TMEM117: variants seen among roughly 807,000 people sequenced by gnomAD.
The protein encoded by TMEM117 is transmembrane protein 117.
A neutral mutation model predicts 52.4 loss-of-function variants in TMEM117; 27 were observed. That is an observed-to-expected ratio of 0.51 (90% CI 0.38 to 0.71). The LOEUF (loss-of-function observed/expected upper bound fraction) is 0.71, where lower values mean the gene tolerates loss of function less well. Among genes scored for constraint, TMEM117 ranks in the 30% least tolerant of loss-of-function variants. The pLI, the probability that TMEM117 is intolerant of heterozygous loss-of-function variation, is 0.00. For missense variants in TMEM117, 556 were observed against 630.5 expected, an observed-to-expected ratio of 0.88 and a Z score of 1.26; for synonymous variants, 215 against 206.3, an observed-to-expected ratio of 1.04 and a Z score of -0.36.
At chr12:44,202,650 G>A (rs1455993307) in intron 4 of TMEM117, among the ~76,000 whole-genome samples, 5 of 152,130 alleles carry the variant, frequency 3.3e-5, no homozygotes, top group African/African-American at 9.6e-5. Context: ...CAATGATGCC[G>A]GCCTCATAGA....
intron 6 of TMEM117, among the ~76,000 whole-genome samples, chr12:44,374,770 A>G (rs1330534224): frequency 6.6e-6 from 1 of 152,126 alleles, no homozygotes; most frequent in African/African-American, 2.4e-5. Context: ...AGGAAAAGCT[A>G]AATGGGAGCA....
intron 3 of TMEM117, among the ~76,000 whole-genome samples, chr12:43,979,991 G>A (rs933100543): frequency 7.9e-5 from 12 of 152,116 alleles, no homozygotes; most frequent in South Asian, 6.2e-4. Context: ...CTTGATAAGC[G>A]TCAAAAGAAA....
intron 3 of TMEM117, among the ~76,000 whole-genome samples, chr12:44,104,398 T>A (rs1196002230): frequency 1.3e-5 from 2 of 151,910 alleles, no homozygotes; most frequent in Non-Finnish European, 2.9e-5. Context: ...AATGTTTCAG[T>A]CAACTGGTAA....
intron 6 of TMEM117, among the ~76,000 whole-genome samples, chr12:44,343,830 G>T (rs1185987930): frequency 1.3e-5 from 2 of 152,262 alleles, no homozygotes; most frequent in African/African-American, 4.8e-5. Context: ...TACATCCTCA[G>T]TGTCAGAGTC....
At chr12:43,962,342 C>T (rs1400774581) in intron 3 of TMEM117, among the ~76,000 whole-genome samples, 2 of 152,116 alleles carry the variant, frequency 1.3e-5, no homozygotes, top group Non-Finnish European at 1.5e-5. Flanking sequence ...ATATGCATAA[C>T]ATAATTAAGT....
chr12:43,839,703 C>T (rs1943088017), intron 1 of TMEM117, among the ~76,000 whole-genome samples: 1 of 152,224 alleles, frequency 6.6e-6, no homozygotes, highest in Non-Finnish European at 1.5e-5. Flanking sequence ...AAGAAACTAT[C>T]AGATGCATGG....
At chr12:44,206,149 C>T (rs983408951) in intron 4 of TMEM117, among the ~76,000 whole-genome samples, 1 of 152,162 alleles carries the variant, frequency 6.6e-6, no homozygotes, top group African/African-American at 2.4e-5. Flanking sequence ...TTCTAGGGTA[C>T]ATGTGCACAA....
chr12:44,239,695 T>C (rs1950039024), intron 5 of TMEM117, among the ~76,000 whole-genome samples: 2 of 152,100 alleles, frequency 1.3e-5, no homozygotes, highest in Admixed American at 6.6e-5. Flanking sequence ...ATCTTTTCTA[T>C]CAACAGTTGT....
At chr12:44,088,097 C>T (rs543657396) in intron 3 of TMEM117, among the ~76,000 whole-genome samples, 1 of 152,228 alleles carries the variant, frequency 6.6e-6, no homozygotes, top group African/African-American at 2.4e-5. Flanking sequence ...TTCACTGTAG[C>T]TTTAGATAGT....
chr12:44,388,476 G>A lies in TMEM117; in HGVS notation c.1349G>A (p.Arg450Gln), dbSNP rs200252296. The A allele has an allele frequency of 3.7e-5, 60 of 1,613,286 alleles. No individual in the cohort carries two copies. Among genetic ancestry groups the A allele is most frequent in the Non-Finnish European group, 4.7e-5 (56 of 1,179,658 alleles). Residue 450 changes from arginine to glutamine, a missense_variant, in exon 8 of 8, where the codon CGA becomes CAA. By Grantham distance (43) the Arg-to-Gln change is conservative. Coordinates refer to ENST00000266534, the MANE Select transcript of TMEM117 (RefSeq NM_032256.3). The part of the protein sequence containing the change: ...SEHSKDMGIT[R>Q]ENTQASVEDP... Reference sequence around the variant, plus strand: ...CATAGCAAAGACATGGGAATCACTCGAGAAAACACCCAGGCTTCAGTAGAA... The same window carrying A: ...CATAGCAAAGACATGGGAATCACTCAAGAAAACACCCAGGCTTCAGTAGAA...
chr12:44,017,359 A>T (rs1423176284), intron 3 of TMEM117, among the ~76,000 whole-genome samples: 1 of 129,182 alleles, frequency 7.7e-6, no homozygotes, highest in African/African-American at 3.0e-5. Flanking sequence ...GATGAGACAG[A>T]TGGTATTTTT....
rs188135228 is a variant in TMEM117, at chr12:44,132,165, T to G, written c.411-11360T>G. On this transcript the variant is annotated intron_variant, in intron 3 of 7. Transcript: ENST00000266534. ...ACCCTCAATTGTTAATAAGCCTTTTTTAAGCGGGAGGGGCTGCTCAGGTTT... is the reference window on the plus strand; with the variant it reads ...ACCCTCAATTGTTAATAAGCCTTTTGTAAGCGGGAGGGGCTGCTCAGGTTT... 6.3e-4 allele frequency among the ~76,000 whole-genome samples: 95 copies of G among 151,072 alleles called. No individual in the cohort carries two copies. In the East Asian group the frequency reaches 0.017, roughly 26 times the overall value.
At chr12:44,138,404 A>C (rs1948522523) in intron 3 of TMEM117, among the ~76,000 whole-genome samples, 1 of 152,142 alleles carries the variant, frequency 6.6e-6, no homozygotes, top group Admixed American at 6.6e-5. Context: ...AAATTGATGT[A>C]ATACTAATGT....
chr12:43,942,265 C>T (rs574317267), intron 2 of TMEM117, among the ~76,000 whole-genome samples: 5 of 152,198 alleles, frequency 3.3e-5, no homozygotes, highest in African/African-American at 9.6e-5. Flanking sequence ...GTAATAGGCA[C>T]ACATTAAATA....
chr12:44,224,302 G>A (rs985628978), intron 5 of TMEM117, among the ~76,000 whole-genome samples: 4 of 152,176 alleles, frequency 2.6e-5, no homozygotes, highest in Admixed American at 1.3e-4. Flanking sequence ...AATATTAGGC[G>A]TTAGAGATTT....
chr12:44,077,456 C>A (rs1947400164), intron 3 of TMEM117, among the ~76,000 whole-genome samples: 1 of 152,076 alleles, frequency 6.6e-6, no homozygotes, highest in Non-Finnish European at 1.5e-5. Context: ...AAACGTTGAG[C>A]TGAATTTATT....
the TMEM117 span, among the ~76,000 whole-genome samples, chr12:43,798,778 A>G: frequency 2.0e-5 from 3 of 152,098 alleles, no homozygotes; most frequent in Non-Finnish European, 4.4e-5. Flanking sequence ...CAGTGGTTTC[A>G]GCTAATGAAT....
rs1475531223 is a variant in TMEM117, at chr12:43,900,376, A to G, written c.278-43834A>G. Reference sequence around the variant, plus strand: ...TTATTAAGGAATTAAAAAGAAATCAATTAGATTTTTCTTTATTATACTTGA... The same window carrying G: ...TTATTAAGGAATTAAAAAGAAATCAGTTAGATTTTTCTTTATTATACTTGA... On this transcript the variant is annotated intron_variant, in intron 2 of 7. Transcript: ENST00000266534. Among the ~76,000 whole-genome samples, 8 of 152,076 alleles carry G rather than the reference A, an allele frequency of 5.3e-5. No homozygotes were observed. In the East Asian group the frequency reaches 1.5e-3, roughly 29 times the overall value.
chr12:44,122,924 C>T (rs530056688), intron 3 of TMEM117, among the ~76,000 whole-genome samples: 36 of 152,224 alleles, frequency 2.4e-4, no homozygotes, highest in African/African-American at 8.2e-4. Flanking sequence ...TTGGTATGTA[C>T]CCAGTAATGA....
Sources: allele counts gnomAD v4.1 joint callset (sites outside exome capture counted in the v4.1 genomes callset), GRCh38; gene constraint gnomAD v4.1.1; transcripts MANE v1.5; gene names NCBI Gene and HGNC (gene_info 2026-07-23, HGNC 2026-07-21).